RPAP1: variants seen among roughly 807,000 people sequenced by gnomAD.
RPAP1 encodes RNA polymerase II associated protein 1, also known as RNA polymerase II-associated protein 1.
RPAP1 carries 109 observed loss-of-function variants against 142.4 expected under a neutral mutation model. That is an observed-to-expected ratio of 0.77 (90% CI 0.66 to 0.90). RPAP1 has a LOEUF of 0.90. Among genes scored for constraint, RPAP1 ranks in the 40% least tolerant of loss-of-function variants. RPAP1 has a pLI of 0.00. For synonymous variants in RPAP1, 704 were observed against 738.9 expected, an observed-to-expected ratio of 0.95 and a Z score of 0.77; for missense variants, 1,546 against 1,751.7, an observed-to-expected ratio of 0.88 and a Z score of 2.10.
In RPAP1 at chr15:41,536,647, G is replaced by T; in HGVS notation, c.184C>A (p.Leu62Ile). The T allele has an allele frequency of 1.2e-6, 2 of 1,613,440 alleles. No individual in the cohort carries two copies. Among genetic ancestry groups the T allele is most frequent in the Non-Finnish European group, 1.7e-6 (2 of 1,179,960 alleles). The part of the protein sequence containing the change: ...DHRDVVMLDN[L>I]PDLPPALVPS... ...ACCAAAGCTGGGGGCAAATCTGGGA[G>T]ATCTGAGAAAGAAAAGATCCCAAAC... is the stretch of plus-strand genomic sequence containing the variant. The change falls in exon 3 of 25, where the codon CTC becomes ATC. Residue 62 changes from leucine (L) to isoleucine (I), a missense_variant and splice_region_variant. Transcript: ENST00000304330.
chr15:41,543,898 C>T (rs2051994528), intron 1 of RPAP1: 1 of 152,182 alleles, frequency 6.6e-6, no homozygotes, highest in Non-Finnish European at 1.5e-5. Flanking sequence ...TCTGAGGAGT[C>T]TCTGGGGCTC....
At position 41,527,230 on chromosome 15, in the gene RPAP1, C is replaced by A. The variant is rs778033005; in HGVS notation, c.1683G>T (p.Val561=). 1.2e-6 allele frequency: 2 copies of A among 1,614,214 alleles called. No homozygotes were observed. The highest frequency in any genetic ancestry group is 1.1e-5 in the South Asian group (1 of 91,086). ...TGAGCACAGCCAGGATGTCAAGGAC[C>A]ACCGCAGGTCCTGGGTATGTCACCT... is the stretch of plus-strand genomic sequence containing the variant. ...VLEVTYPGPA[V]VLDILAVLIR... The change falls in exon 13 of 25, where the codon GTG becomes GTT. Residue 561 remains valine, a synonymous_variant. Transcript: ENST00000304330.
intron 1 of RPAP1, among the ~76,000 whole-genome samples, chr15:41,542,008 T>C (rs748483074): frequency 6.6e-6 from 1 of 152,160 alleles, no homozygotes; most frequent in Non-Finnish European, 1.5e-5. Flanking sequence ...CATGACGGTG[T>C]GACCTTAAGA....
chr15:41,529,980 C>T lies in RPAP1; in HGVS notation c.944-1G>A, dbSNP rs1469976746. 1 of 1,613,302 alleles carries T rather than the reference C, an allele frequency of 6.2e-7. No individual in the cohort carries two copies. The highest frequency in any genetic ancestry group is 1.7e-5 in the Admixed American group (1 of 60,004). On this transcript the variant is annotated splice_acceptor_variant, in intron 7 of 24. Coordinates refer to ENST00000304330, the MANE Select transcript of RPAP1 (RefSeq NM_015540.4). LOFTEE classifies it high-confidence loss of function. Reference sequence around the variant, plus strand: ...TGAGGGGTCACGGGCAATGCCAGAGCTGGGGAGACAAAGCATGATAGTATT... The same window carrying T: ...TGAGGGGTCACGGGCAATGCCAGAGTTGGGGAGACAAAGCATGATAGTATT...
At position 41,527,684 on chromosome 15, in the gene RPAP1, A is replaced by G. The variant is rs111672639; in HGVS notation, c.1429-79T>C. 7.7e-4 allele frequency: 1,143 copies of G among 1,486,712 alleles called. 8 individuals carry two copies. The African/African-American group carries it at 0.015, about 20-fold the overall frequency. 92.1% of individuals were successfully genotyped at this position (1,486,712 alleles called of 1,614,324 possible). A position where few individuals can be genotyped will look rare whatever the true frequency, so the allele number is the denominator to read the frequency against. On this transcript the variant is annotated intron_variant, in intron 11 of 24. Coordinates refer to ENST00000304330, the MANE Select transcript of RPAP1 (RefSeq NM_015540.4). ...CCAGGAGTAGAGAGGATGCTCCCCA[A>G]TAAAAACCATAAAGGCAAGCCTCCT...
rs1280178649 is a variant in RPAP1, at chr15:41,520,436, C to T, written c.3750G>A (p.Gly1250=). The part of the protein sequence containing the change: ...FSVTLRLALF[G]EHVGALRALS... ...GAGCTCGCAAGGCTCCCACGTGTTC[C>T]CCAAAGAGGGCAAGGCGCAAGGTGA... is the stretch of plus-strand genomic sequence containing the variant. The change falls in exon 22 of 25, where the codon GGG becomes GGA. Residue 1250 remains glycine (G), a synonymous_variant. Transcript: ENST00000304330. The T allele has an allele frequency of 2.5e-6, 4 of 1,613,754 alleles. No homozygotes were observed. The highest frequency in any genetic ancestry group is 1.1e-5 in the South Asian group (1 of 91,076).
intron 9 of RPAP1, among the ~76,000 whole-genome samples, chr15:41,529,132 C>T (rs187269724): frequency 6.6e-6 from 1 of 152,224 alleles, no homozygotes; most frequent in Non-Finnish European, 1.5e-5. Context: ...CTCAGGAGAT[C>T]AAGACCATCC....
Position 41,536,116 on chromosome 15 carries a change from T to C in RPAP1, c.420+13A>G, listed in dbSNP as rs766854139. The C allele has an allele frequency of 6.2e-7, 1 of 1,610,570 alleles. No individual in the cohort carries two copies. Among genetic ancestry groups the C allele is most frequent in the Non-Finnish European group, 8.5e-7 (1 of 1,176,956 alleles). ...CTGTCTCCTGAGCACCACCTAAGCT[T>C]ACCCTTGCCTACCTGTGTGTCCCGC... On this transcript the variant is annotated intron_variant, in intron 4 of 24. Coordinates refer to ENST00000304330, the MANE Select transcript of RPAP1 (RefSeq NM_015540.4).
intron 1 of RPAP1, among the ~76,000 whole-genome samples, chr15:41,543,268 A>G (rs999018835): frequency 7.3e-6 from 1 of 136,186 alleles, no homozygotes; most frequent in Non-Finnish European, 1.5e-5. Context: ...GGAGTGCAAT[A>G]GCACGATCTC....
chr15:41,531,610 T>TAC (rs2051848487), intron 6 of RPAP1, among the ~76,000 whole-genome samples: 4 of 22,666 alleles, frequency 1.8e-4, no homozygotes, highest in South Asian at 2.0e-3. Flanking sequence ...CATATATATA[T>TAC]ATATATATAT....
chr15:41,524,696 G>A (rs962938973), intron 15 of RPAP1, among the ~76,000 whole-genome samples: 3 of 152,018 alleles, frequency 2.0e-5, no homozygotes, highest in Admixed American at 2.0e-4. Flanking sequence ...GGATGGTCTC[G>A]AACTCCTGAC....
chr15:41,518,127 A>AG lies in RPAP1; in HGVS notation c.3850dup (p.Leu1284ProfsTer31). On this transcript the variant is annotated frameshift_variant, in exon 23 of 25. Transcript: ENST00000304330. LOFTEE classifies it high-confidence loss of function. ...AACCAGGGTCCGGAAGTAGAGCTGA[A>AG]GGAGGGCCAGGTTGTCTTCAGGAGG... is the stretch of plus-strand genomic sequence containing the variant. 1 of 1,600,594 alleles carries AG rather than the reference A, an allele frequency of 6.2e-7. No individual in the cohort carries two copies. Among genetic ancestry groups the AG allele is most frequent in the Non-Finnish European group, 8.5e-7 (1 of 1,176,174 alleles).
chr15:41,534,945 A>T lies in RPAP1; in HGVS notation c.542-10T>A. The T allele has an allele frequency of 6.2e-7, 1 of 1,613,200 alleles. No homozygotes were observed. The highest frequency in any genetic ancestry group is 8.5e-7 in the Non-Finnish European group (1 of 1,179,440). ...TCACAGGTCACGGCACCTGGAAGAA[A>T]GGTATGATCACATTCATTGCTCTGT... On this transcript the variant is annotated splice_polypyrimidine_tract_variant and intron_variant, in intron 5 of 24. Transcript: ENST00000304330.
chr15:41,528,289 C>G lies in RPAP1; in HGVS notation c.1206G>C (p.Gln402His). The change falls in exon 10 of 25, where the codon CAG becomes CAC. Residue 402 changes from glutamine (Q) to histidine (H), a missense_variant. Coordinates refer to ENST00000304330, the MANE Select transcript of RPAP1 (RefSeq NM_015540.4). ...GTGCCAGTGCTCTCTGCTGGGAAAC[C>G]TGGCTGCGGGTCAGGTGGAACAGCT... Reference protein sequence around the residue: ...LQELFHLTRSQVSQQRALALH... With the variant: ...LQELFHLTRSHVSQQRALALH... The G allele has an allele frequency of 1.2e-6, 2 of 1,607,728 alleles. No individual in the cohort carries two copies. Among genetic ancestry groups the G allele is most frequent in the East Asian group, 2.2e-5 (1 of 44,762 alleles).
chr15:41,519,384 T>C (rs2051701689), intron 22 of RPAP1, among the ~76,000 whole-genome samples: 1 of 150,446 alleles, frequency 6.6e-6, no homozygotes, highest in Non-Finnish European at 1.5e-5. Flanking sequence ...ATTTTTTGTA[T>C]TTTTTTTTAG....
chr15:41,530,079 C>A, intron 7 of RPAP1, 100 bp from the exon 8 acceptor site: 1 of 835,894 alleles, frequency 1.2e-6, no homozygotes. Flanking sequence ...ACTTCTGTTC[C>A]AGGATCTGCC....
rs866714971 is a variant in RPAP1, at chr15:41,520,795, G to T, written c.3391C>A (p.Arg1131=). 1 of 1,613,800 alleles carries T rather than the reference G, an allele frequency of 6.2e-7. No individual in the cohort carries two copies. Among genetic ancestry groups the T allele is most frequent in the South Asian group, 1.1e-5 (1 of 91,074 alleles). The change falls in exon 22 of 25, where the codon CGG becomes AGG. Residue 1131 remains arginine (R), a synonymous_variant. Transcript: ENST00000304330. The part of the protein sequence containing the change: ...SPTDTMGTAM[R]VLQWVLVLES... ...AAAACTAGCACCCACTGCAGGACCC[G>T]CATGGCTGTGCCCATGGTGTCTGTG...
chr15:41,539,281 T>C (rs541322305), intron 1 of RPAP1, among the ~76,000 whole-genome samples: 2 of 149,940 alleles, frequency 1.3e-5, no homozygotes, highest in East Asian at 3.9e-4. Flanking sequence ...TAATTTTTGT[T>C]TTTTTTTTTG....
At chr15:41,532,449 C>A (rs1325207404) in intron 6 of RPAP1, among the ~76,000 whole-genome samples, 2 of 152,166 alleles carry the variant, frequency 1.3e-5, no homozygotes, top group Non-Finnish European at 2.9e-5. Context: ...CAGGGCAAGG[C>A]ACCATACTGA....
Sources: allele counts gnomAD v4.1 joint callset (sites outside exome capture counted in the v4.1 genomes callset), GRCh38; gene constraint gnomAD v4.1.1; transcripts MANE v1.5; gene names NCBI Gene and HGNC (gene_info 2026-07-23, HGNC 2026-07-21).